The following RCSD1 variants were observed in gnomAD, a reference collection of about 807,000 sequenced individuals.
RCSD1 encodes RCSD domain containing 1.
Under a neutral mutation model 42.5 loss-of-function variants are expected in RCSD1, and 26 were observed. The observed-to-expected ratio is 0.61, with a 90% CI of 0.45 to 0.85. The LOEUF is 0.85. RCSD1 is among the 40% of genes least tolerant of loss of function. The pLI, the probability that RCSD1 is intolerant of heterozygous loss-of-function variation, is 0.00. For missense variants in RCSD1, 571 were observed against 528.3 expected (o/e 1.08, Z -0.79); for synonymous variants, 220 against 212.2 (o/e 1.04, Z -0.32).
In RCSD1 at chr1:167,685,412, T is replaced by C. The variant is rs776870932; in HGVS notation, c.109-9T>C. 6.2e-7 allele frequency: 1 copy of C among 1,611,066 alleles called. No homozygotes were observed. The highest frequency in any genetic ancestry group is 8.5e-7 in the Non-Finnish European group (1 of 1,177,678). ...TTCTCTGTGTGTCTGTCTGTCGCCC[T>C]CCCTCCAGACACCAGCCAGTAAACC... On this transcript the variant is annotated splice_polypyrimidine_tract_variant and intron_variant, in intron 2 of 6. Coordinates refer to ENST00000367854, the MANE Select transcript of RCSD1 (RefSeq NM_052862.4).
At chr1:167,697,988 G>T (rs540351986) in intron 6 of RCSD1, 146 bp downstream of exon 6, 1 of 1,075,508 alleles carries the variant, frequency 9.3e-7, no homozygotes, top group East Asian at 3.0e-5. Flanking sequence ...GTGCCAACTT[G>T]TTGGAGAAAG....
chr1:167,652,985 G>A lies in RCSD1; in HGVS notation c.6+22556G>A, dbSNP rs376595945. Among the ~76,000 whole-genome samples, 48 of 152,176 alleles carry A rather than the reference G, an allele frequency of 3.2e-4. No individual in the cohort carries two copies. In the East Asian group the frequency reaches 4.8e-3, roughly 15 times the overall value. On this transcript the variant is annotated intron_variant, in intron 1 of 6. Coordinates refer to ENST00000367854, the MANE Select transcript of RCSD1 (RefSeq NM_052862.4). The stretch of plus-strand genomic sequence containing the variant: ...TCTAAAAATAGAACAAAGACTTCTC[G>A]AGCTTTGGTTACACAGTTGCAGATT...
intron 1 of RCSD1, among the ~76,000 whole-genome samples, chr1:167,654,828 G>A (rs577343482): frequency 2.0e-5 from 3 of 152,204 alleles, no homozygotes; most frequent in African/African-American, 7.2e-5. Flanking sequence ...AGGATGAAGA[G>A]TCTAGACCAG....
chr1:167,707,001 A>G lies in RCSD1; in HGVS notation c.*2305A>G, dbSNP rs1368144644. 6.6e-6 allele frequency among the ~76,000 whole-genome samples: 1 copy of G among 152,242 alleles called. No individual in the cohort carries two copies. Among genetic ancestry groups the G allele is most frequent in the East Asian group, 1.9e-4 (1 of 5,202 alleles). Reference sequence around the variant, plus strand: ...AACACGGATTCTTCTACAGCAACAGAGTTAAAGAAATAGTCATAGTCATTC... The same window carrying G: ...AACACGGATTCTTCTACAGCAACAGGGTTAAAGAAATAGTCATAGTCATTC... On this transcript the variant is annotated 3_prime_UTR_variant, in exon 7 of 7. Transcript: ENST00000367854.
At chr1:167,634,592 AC>A (rs1328388876) in intron 1 of RCSD1, among the ~76,000 whole-genome samples, 2 of 152,210 alleles carry the variant, frequency 1.3e-5, no homozygotes, top group African/African-American at 4.8e-5. Flanking sequence ...TTAAGTTAAT[AC>A]TGTTAGTCAC....
intron 1 of RCSD1, among the ~76,000 whole-genome samples, chr1:167,658,873 G>A (rs150175192): frequency 5.2e-4 from 79 of 152,060 alleles, no homozygotes; most frequent in Non-Finnish European, 9.9e-4. Context: ...GGCTGTGTAC[G>A]CTAGCATTTA....
chr1:167,697,157 A>G lies in RCSD1; in HGVS notation c.533A>G (p.Gln178Arg). Residue 178 changes from glutamine to arginine, a missense_variant, in exon 6 of 7, where the codon CAG becomes CGG. Transcript: ENST00000367854. Reference sequence around the variant, plus strand: ...CCCTCCAGGCGATTCCGAAGGTCACAGTCAGACTGTGGAGAACTTGGAGAT... The same window carrying G: ...CCCTCCAGGCGATTCCGAAGGTCACGGTCAGACTGTGGAGAACTTGGAGAT... ...RPPSRRFRRS[Q>R]SDCGELGDFR... The G allele has an allele frequency of 7.4e-6, 12 of 1,614,210 alleles. No individual in the cohort carries two copies. Among genetic ancestry groups the G allele is most frequent in the Non-Finnish European group, 1.0e-5 (12 of 1,180,042 alleles).
chr1:167,692,729 T>G (rs968052772), intron 4 of RCSD1, among the ~76,000 whole-genome samples: 1 of 152,176 alleles, frequency 6.6e-6, no homozygotes, highest in African/African-American at 2.4e-5. Context: ...TATACTGAAC[T>G]CTTACCATGA....
Position 167,630,417 on chromosome 1 carries a change from GA to G in RCSD1, c.-5del. On this transcript the variant is annotated 5_prime_UTR_variant, in exon 1 of 7. Transcript: ENST00000367854. ...TGCGTCTGCCGCAGAGTCGGCACCT[GA>G]AGGACATGGAGGTAAAGGACCCCGG... 1 of 1,534,042 alleles carries G rather than the reference GA, an allele frequency of 6.5e-7. No homozygotes were observed. The highest frequency in any genetic ancestry group is 8.8e-7 in the Non-Finnish European group (1 of 1,137,900).
intron 1 of RCSD1, among the ~76,000 whole-genome samples, chr1:167,671,124 T>C (rs779240707): frequency 1.2e-4 from 18 of 152,220 alleles, no homozygotes; most frequent in Non-Finnish European, 2.4e-4. Context: ...GATGAATCCC[T>C]AGCGCCTGGC....
At chr1:167,631,015 G>A (rs1657683709) in intron 1 of RCSD1, among the ~76,000 whole-genome samples, 1 of 152,116 alleles carries the variant, frequency 6.6e-6, no homozygotes, top group African/African-American at 2.4e-5. Flanking sequence ...TCCCCTTACT[G>A]GTCAGTCGAA....
Position 167,706,390 on chromosome 1 carries a change from G to A in RCSD1, c.*1694G>A, listed in dbSNP as rs1163874511. ...ACAATACTTGGTTTTATTTATATAT[G>A]TCTTTGGGTTGTTTATACACATGCA... On this transcript the variant is annotated 3_prime_UTR_variant, in exon 7 of 7. Transcript: ENST00000367854. 1 of 152,100 alleles carries A rather than the reference G, an allele frequency of 6.6e-6. No individual in the cohort carries two copies. The highest frequency in any genetic ancestry group is 6.6e-5 in the Admixed American group (1 of 15,266). 9.4% of individuals were successfully genotyped at this position (152,100 alleles called of 1,614,324 possible).
intron 1 of RCSD1, chr1:167,641,315 T>A (rs148534743): frequency 1.3e-5 from 2 of 152,330 alleles, no homozygotes; most frequent in East Asian, 3.9e-4. Flanking sequence ...TTGTAAAGGA[T>A]CATGCCTAGC....
At chr1:167,640,236 G>C (rs74119894) in intron 1 of RCSD1, among the ~76,000 whole-genome samples, 1 of 152,040 alleles carries the variant, frequency 6.6e-6, no homozygotes, top group Non-Finnish European at 1.5e-5. Flanking sequence ...TCTGGAGGCC[G>C]GATGTCTAAA....
chr1:167,703,242 T>A (rs1365022043), intron 6 of RCSD1, among the ~76,000 whole-genome samples: 1 of 152,128 alleles, frequency 6.6e-6, no homozygotes, highest in African/African-American at 2.4e-5. Context: ...TCAGACACAT[T>A]AACTGTCCTT....
At chr1:167,663,363 C>T (rs1316585057) in intron 1 of RCSD1, 1 of 152,354 alleles carries the variant, frequency 6.6e-6, no homozygotes, top group Non-Finnish European at 1.5e-5. Context: ...GCCAGCTGCA[C>T]TGGACTTGCC....
chr1:167,655,564 G>A (rs1435775402), intron 1 of RCSD1, among the ~76,000 whole-genome samples: 1 of 152,106 alleles, frequency 6.6e-6, no homozygotes, highest in African/African-American at 2.4e-5. Context: ...TCTGGGCAAG[G>A]TGAAGGGAAC....
intron 1 of RCSD1, among the ~76,000 whole-genome samples, chr1:167,671,037 T>C (rs1484507862): frequency 6.6e-6 from 1 of 152,236 alleles, no homozygotes; most frequent in Non-Finnish European, 1.5e-5. Context: ...TGGTCACCAC[T>C]GGGCCCAGTT....
At chr1:167,639,078 A>G (rs564536419) in intron 1 of RCSD1, among the ~76,000 whole-genome samples, 24 of 152,216 alleles carry the variant, frequency 1.6e-4, no homozygotes, top group Admixed American at 7.2e-4. Flanking sequence ...TTAGCCAGGC[A>G]TGGTGGCAGG....
Sources: gnomAD v4.1 joint callset for allele counts (sites outside exome capture counted in the v4.1 genomes callset) on GRCh38, gnomAD v4.1.1 for gene constraint, MANE v1.5 for transcripts, NCBI Gene and HGNC (gene_info 2026-07-23, HGNC 2026-07-21) for gene names.